Variants in DEPDC5 observed in about 807,000 individuals in gnomAD.
The protein encoded by DEPDC5 is DEP domain containing 5, GATOR1 subcomplex subunit.
Under a neutral mutation model 217.3 loss-of-function variants are expected in DEPDC5, and 73 were observed. That is an observed-to-expected ratio of 0.34 (90% CI 0.28 to 0.41). DEPDC5 has a LOEUF of 0.41. Ranked by LOEUF, DEPDC5 falls within the 10% of genes least tolerant of loss-of-function variation. The probability of loss-of-function intolerance (pLI) is 1.00; values close to 1 mark genes in which losing one functional copy is unlikely to be tolerated. For synonymous variants in DEPDC5, 733 were observed against 756.7 expected, an observed-to-expected ratio of 0.97 and a Z score of 0.51; for missense variants, 1,675 against 2,070.1, an observed-to-expected ratio of 0.81 and a Z score of 3.70.
chr22:31,888,763 C>G (rs555505512), intron 38 of DEPDC5, among the ~76,000 whole-genome samples: 29 of 152,150 alleles, frequency 1.9e-4, no homozygotes, highest in Non-Finnish European at 4.1e-4. Context: ...CCAGGCTGGT[C>G]TTGAACTCCT....
At chr22:31,890,771 G>T (rs1437419823) in intron 38 of DEPDC5, among the ~76,000 whole-genome samples, 1 of 151,890 alleles carries the variant, frequency 6.6e-6, no homozygotes, top group Admixed American at 6.6e-5. Context: ...TGTTGCCCAG[G>T]CTAGAGTGCA....
At chr22:31,870,413 T>C (rs2092808341) in intron 33 of DEPDC5, among the ~76,000 whole-genome samples, 177 bp from the exon 34 acceptor site, 1 of 152,214 alleles carries the variant, frequency 6.6e-6, no homozygotes, top group Non-Finnish European at 1.5e-5. Flanking sequence ...TAGACAACTT[T>C]AGCTGTGCCA....
chr22:31,773,075 C>A (rs1014929499), intron 7 of DEPDC5, among the ~76,000 whole-genome samples: 1 of 152,176 alleles, frequency 6.6e-6, no homozygotes, highest in Non-Finnish European at 1.5e-5. Flanking sequence ...AGTCACCACG[C>A]CTGGCTGATC....
intron 2 of DEPDC5, among the ~76,000 whole-genome samples, chr22:31,758,024 A>C (rs916782770): frequency 6.6e-6 from 1 of 152,132 alleles, no homozygotes; most frequent in Non-Finnish European, 1.5e-5. Flanking sequence ...TCGGCCTCTC[A>C]AAGTATTGGG....
At chr22:31,807,317 G>A (rs2087670229) in intron 18 of DEPDC5, among the ~76,000 whole-genome samples, 1 of 152,212 alleles carries the variant, frequency 6.6e-6, no homozygotes, top group Admixed American at 6.5e-5. Context: ...ATTTATAATT[G>A]TGAGAAGTTG....
At position 31,792,034 on chromosome 22, in the gene DEPDC5, A is replaced by T; in HGVS notation, c.626A>T (p.Glu209Val). 1 of 1,609,204 alleles carries T rather than the reference A, an allele frequency of 6.2e-7. No homozygotes were observed. Among genetic ancestry groups the T allele is most frequent in the Non-Finnish European group, 8.5e-7 (1 of 1,176,732 alleles). ...CTGTTGTTCTCTACTCATGCTTAGG[A>T]GAAGAACTGTAGTCATGAAGTGACA... ...FLADLFTKWK[E>V]KNCSHEVTVV... Residue 209 changes from glutamate to valine, a missense_variant and splice_region_variant, in exon 11 of 43, where the codon GAG (glutamate) becomes GTG (valine). By Grantham distance (121) the Glu-to-Val change is moderately radical (BLOSUM62 -2). Around this residue, in one of 11 missense-constraint regions of DEPDC5, gnomAD observed 628 missense variants for 762.1 expected, o/e 0.82. Transcript: ENST00000651528.
intron 4 of DEPDC5, among the ~76,000 whole-genome samples, chr22:31,761,662 C>CAAAAAAA (rs532267383): frequency 1.0e-5 from 1 of 97,476 alleles, no homozygotes; most frequent in African/African-American, 3.9e-5. Context: ...GACCCTATCT[C>CAAAAAAA]AAAAAAAAAA....
intron 24 of DEPDC5, among the ~76,000 whole-genome samples, chr22:31,825,956 A>C (rs889804887): frequency 1.4e-4 from 22 of 152,068 alleles, no homozygotes; most frequent in Non-Finnish European, 2.5e-4. Context: ...CAGGCCAGTT[A>C]CTACACTAAT....
chr22:31,766,081 AGTATGT>A (rs2082792138), intron 5 of DEPDC5, among the ~76,000 whole-genome samples: 1 of 152,242 alleles, frequency 6.6e-6, no homozygotes, highest in Non-Finnish European at 1.5e-5. Flanking sequence ...GAATGTAGGC[AGTATGT>A]AGGTTGCATT....
chr22:31,769,119 G>T (rs1164992755), intron 7 of DEPDC5: 2 of 236,094 alleles, frequency 8.5e-6, no homozygotes, highest in African/African-American at 4.6e-5. Context: ...AATTAGCTGG[G>T]CGTGGTGGCG....
At chr22:31,859,496 A>T (rs772090972) in intron 32 of DEPDC5, among the ~76,000 whole-genome samples, 32 of 151,546 alleles carry the variant, frequency 2.1e-4, no homozygotes, top group Non-Finnish European at 4.3e-4. Context: ...GGTTCAAGCA[A>T]TTCTCCTGCC....
At chr22:31,893,898 AT>A in intron 39 of DEPDC5, 147 bp downstream of exon 39, 1 of 955,582 alleles carries the variant, frequency 1.0e-6, no homozygotes, top group Non-Finnish European at 1.4e-6. Context: ...TTTTTAAAAA[AT>A]TTAAACATAG....
intron 31 of DEPDC5, among the ~76,000 whole-genome samples, chr22:31,856,893 C>T (rs142878100): frequency 0.014 from 2,179 of 152,184 alleles, 19 homozygotes; most frequent in Middle Eastern, 0.031. Context: ...CCTTAGCCTC[C>T]CGAGTAGCTG....
At chr22:31,882,915 C>T (rs926922507) in intron 38 of DEPDC5, among the ~76,000 whole-genome samples, 2 of 152,078 alleles carry the variant, frequency 1.3e-5, no homozygotes, top group African/African-American at 2.4e-5. Flanking sequence ...GGAGCCATTA[C>T]GCCCGGCCTG....
chr22:31,794,470 CTA>C (rs1159047704), intron 12 of DEPDC5, among the ~76,000 whole-genome samples: 5 of 152,138 alleles, frequency 3.3e-5, no homozygotes, highest in African/African-American at 9.7e-5. Flanking sequence ...GTGTATATGA[CTA>C]TATATTTTTA....
chr22:31,902,337 A>G (rs2093661873), intron 41 of DEPDC5, among the ~76,000 whole-genome samples: 1 of 150,310 alleles, frequency 6.7e-6, no homozygotes, highest in South Asian at 2.1e-4. Context: ...GTCATGGTAA[A>G]AACAAAGCCC....
chr22:31,825,507 G>T (rs2090071573), intron 24 of DEPDC5, among the ~76,000 whole-genome samples: 1 of 152,014 alleles, frequency 6.6e-6, no homozygotes. Flanking sequence ...TGCTCAGATG[G>T]CCCCCAAGTA....
chr22:31,799,415 C>T (rs376417636), intron 14 of DEPDC5, among the ~76,000 whole-genome samples: 4 of 150,346 alleles, frequency 2.7e-5, no homozygotes, highest in Non-Finnish European at 5.9e-5. Context: ...CATAGATATA[C>T]GTGTGCCATG....
intron 39 of DEPDC5, among the ~76,000 whole-genome samples, chr22:31,895,521 C>G (rs2093534181): frequency 6.6e-6 from 1 of 152,176 alleles, no homozygotes. Context: ...TTTTTATACA[C>G]TCTCCAATAT....
Sources: allele counts gnomAD v4.1 joint callset (sites outside exome capture counted in the v4.1 genomes callset), GRCh38; gene constraint gnomAD v4.1.1; regional missense constraint gnomAD v4.1.1; transcripts MANE v1.5; gene names NCBI Gene and HGNC (gene_info 2026-07-23, HGNC 2026-07-21).